Variants in SDK1 observed in about 807,000 individuals in gnomAD.
The protein encoded by SDK1 is sidekick cell adhesion molecule 1, also known as protein sidekick-1.
SDK1 carries 157 observed loss-of-function variants against 245.5 expected under a neutral mutation model. The ratio of observed to expected loss-of-function variants is 0.64; its 90% CI spans 0.56 to 0.73. The LOEUF (loss-of-function observed/expected upper bound fraction) is 0.73. Ranked by LOEUF, SDK1 falls within the 30% of genes least tolerant of loss-of-function variation. The pLI is 0.00. For missense variants in SDK1, 3,583 were observed against 3,002.3 expected, an observed-to-expected ratio of 1.19 and a Z score of -4.52; for synonymous variants, 1,647 against 1,278.5, an observed-to-expected ratio of 1.29 and a Z score of -6.15.
intron 22 of SDK1, among the ~76,000 whole-genome samples, chr7:4,100,932 A>C (rs1782496217): frequency 6.6e-6 from 1 of 152,118 alleles, no homozygotes; most frequent in Non-Finnish European, 1.5e-5. Flanking sequence ...GTGAGCCCCA[A>C]GGTCCACAAC....
chr7:3,447,022 T>A (rs1780361802), intron 1 of SDK1, among the ~76,000 whole-genome samples: 1 of 152,124 alleles, frequency 6.6e-6, no homozygotes, highest in African/African-American at 2.4e-5. Flanking sequence ...GCAGTGGGCT[T>A]TAGGTTTCTA....
chr7:3,983,109 G>A (rs976834454), intron 13 of SDK1, among the ~76,000 whole-genome samples: 3 of 152,202 alleles, frequency 2.0e-5, no homozygotes, highest in Non-Finnish European at 4.4e-5. Context: ...AGCAAGTGGT[G>A]TGGGACAGCA....
At chr7:3,925,797 C>T (rs1298068041) in intron 5 of SDK1, among the ~76,000 whole-genome samples, 1 of 152,240 alleles carries the variant, frequency 6.6e-6, no homozygotes, top group Non-Finnish European at 1.5e-5. Flanking sequence ...GCTGAGAAGA[C>T]ACCCACGCAG....
In SDK1 at chr7:4,265,491, G is replaced by GA. The variant is rs932114562; in HGVS notation, c.*114dup. On this transcript the variant is annotated 3_prime_UTR_variant, in exon 45 of 45. Coordinates refer to ENST00000404826, the MANE Select transcript of SDK1 (RefSeq NM_152744.4). The stretch of plus-strand genomic sequence containing the variant: ...CTGAGCTGAAGTTTTTGTTTAAAAA[G>GA]AAAAAAATCTGATAAGTGATGATTT... The GA allele has an allele frequency of 1.5e-4, 212 of 1,370,232 alleles. No homozygotes were observed. Among genetic ancestry groups the GA allele is most frequent in the Non-Finnish European group, 1.9e-4 (203 of 1,070,200 alleles). The allele number at this position is 1,370,232 out of a possible 1,614,324, so 84.9% of individuals were successfully genotyped here.
At chr7:3,995,027 C>T (rs1784597504) in intron 14 of SDK1, among the ~76,000 whole-genome samples, 1 of 152,192 alleles carries the variant, frequency 6.6e-6, no homozygotes, top group Non-Finnish European at 1.5e-5. Context: ...GTTGCCAGCC[C>T]TACTTCTTCC....
chr7:3,974,774 G>T, intron 13 of SDK1: 3 of 471,776 alleles, frequency 6.4e-6, no homozygotes, highest in East Asian at 3.6e-5. Context: ...TGTGATCATT[G>T]GTTTTTATTT....
chr7:3,404,432 C>G (rs1036750053), intron 1 of SDK1, among the ~76,000 whole-genome samples: 12 of 152,126 alleles, frequency 7.9e-5, no homozygotes, highest in African/African-American at 2.9e-4. Context: ...GGTTGATAAA[C>G]AAGTTAATTT....
At position 3,571,436 on chromosome 7, in the gene SDK1, G is replaced by A. The variant is rs942268513; in HGVS notation, c.299-47644G>A. Among the ~76,000 whole-genome samples the A allele has an allele frequency of 5.3e-5, 8 of 151,844 alleles. 1 individual carries two copies. The highest frequency in any genetic ancestry group is 1.9e-4 in the East Asian group (1 of 5,182). On this transcript the variant is annotated intron_variant, in intron 1 of 44. Coordinates refer to ENST00000404826, the MANE Select transcript of SDK1 (RefSeq NM_152744.4). ...TCCAGCCTCAGCCTCCCAAGTAGCCGGAACTACAGGCCCGTACCACCATGC... is the reference window on the plus strand; with the variant it reads ...TCCAGCCTCAGCCTCCCAAGTAGCCAGAACTACAGGCCCGTACCACCATGC...
At chr7:3,852,771 AAAAAAT>A (rs1205307945) in intron 5 of SDK1, among the ~76,000 whole-genome samples, 15 of 148,176 alleles carry the variant, frequency 1.0e-4, no homozygotes, top group Non-Finnish European at 1.8e-4. Flanking sequence ...AAAAAAAAAA[AAAAAAT>A]TTTTTTCCTT....
chr7:4,124,459 C>T (rs1784254900), intron 25 of SDK1, among the ~76,000 whole-genome samples: 2 of 152,156 alleles, frequency 1.3e-5, no homozygotes, highest in African/African-American at 4.8e-5. Flanking sequence ...TGGCACTCTC[C>T]CTGTTGTGTG....
At chr7:3,929,745 G>A (rs1779906866) in intron 5 of SDK1, among the ~76,000 whole-genome samples, 1 of 152,168 alleles carries the variant, frequency 6.6e-6, no homozygotes, top group Non-Finnish European at 1.5e-5. Flanking sequence ...TGTGGTGCTA[G>A]ATGGCTGATG....
At chr7:4,254,623 C>T (rs1373583790) in intron 44 of SDK1, among the ~76,000 whole-genome samples, 1 of 150,562 alleles carries the variant, frequency 6.6e-6, no homozygotes, top group East Asian at 1.9e-4. Context: ...CCCTCAGAAG[C>T]TACCTTCTTT....
chr7:4,156,650 G>A (rs1364062802), intron 30 of SDK1, among the ~76,000 whole-genome samples: 8 of 152,166 alleles, frequency 5.3e-5, no homozygotes, highest in African/African-American at 1.9e-4. Context: ...TCTAATCATG[G>A]TTTCCAAAAA....
At chr7:4,217,452 C>T (rs113184897) in intron 38 of SDK1, among the ~76,000 whole-genome samples, 7 of 112,380 alleles carry the variant, frequency 6.2e-5, no homozygotes, top group Non-Finnish European at 1.1e-4. Flanking sequence ...CCACACCACC[C>T]GGAGCACCAC....
rs1407897750 is a variant in SDK1, at chr7:3,301,868, C to T, written c.282C>T (p.Leu94=). ...TGCTGGCGCTGCAGCTGCACTTGCT[C>T]CGGGCGCTGGCGCAAGGTAGGTGCG... ...WALLALQLHL[L]RALAQDDVAP... The change falls in exon 1 of 45, where the codon CTC becomes CTT. Residue 94 remains leucine (L), a synonymous_variant. Coordinates refer to ENST00000404826, the MANE Select transcript of SDK1 (RefSeq NM_152744.4). The T allele has an allele frequency of 2.6e-6, 3 of 1,136,500 alleles. No individual in the cohort carries two copies. Among genetic ancestry groups the T allele is most frequent in the East Asian group, 4.3e-5 (1 of 23,110 alleles). The allele number at this position is 1,136,500 out of a possible 1,614,324, so 70.4% of individuals were successfully genotyped here.
chr7:3,807,969 A>G (rs560503248), intron 4 of SDK1, among the ~76,000 whole-genome samples: 1 of 152,140 alleles, frequency 6.6e-6, no homozygotes, highest in Admixed American at 6.5e-5. Flanking sequence ...TACAATTATT[A>G]TCCCCATCTG....
intron 1 of SDK1, among the ~76,000 whole-genome samples, chr7:3,342,574 G>A (rs1260960136): frequency 6.6e-6 from 1 of 151,626 alleles, no homozygotes. Flanking sequence ...GGCAACAAGA[G>A]CGAAACTCCA....
intron 44 of SDK1, among the ~76,000 whole-genome samples, chr7:4,247,171 C>T (rs1190215898): frequency 1.3e-5 from 2 of 152,168 alleles, no homozygotes; most frequent in East Asian, 3.9e-4. Context: ...TAAGTCTCAC[C>T]TTCATTTTAA....
intron 1 of SDK1, among the ~76,000 whole-genome samples, chr7:3,400,647 C>A (rs1391249273): frequency 1.3e-5 from 2 of 151,984 alleles, no homozygotes; most frequent in Admixed American, 6.6e-5. Context: ...GGTGGCAGAC[C>A]AAAGGATGGG....
Sources: allele counts gnomAD v4.1 joint callset (sites outside exome capture counted in the v4.1 genomes callset), GRCh38; gene constraint gnomAD v4.1.1; transcripts MANE v1.5; gene names NCBI Gene and HGNC (gene_info 2026-07-23, HGNC 2026-07-21).